Variants in SAMMSON observed in about 807,000 individuals in gnomAD.
The protein encoded by SAMMSON is long intergenic non-protein coding RNA 1212.
chr3:70,190,034 G>T (rs545439326), intron 4 of SAMMSON, among the ~76,000 whole-genome samples: 1 of 152,260 alleles, frequency 6.6e-6, no homozygotes, highest in South Asian at 2.1e-4. Flanking sequence ...GCAGCAGAAG[G>T]CTGGCTTAAT....
At chr3:70,211,269 ATTCCCTTCCCTTTGCCC>A (rs1457240692) in intron 4 of SAMMSON, among the ~76,000 whole-genome samples, 2 of 104,158 alleles carry the variant, frequency 1.9e-5, no homozygotes, top group Non-Finnish European at 3.8e-5. Flanking sequence ...TTCTTTCTCC[ATTCCCTTCCCTTTGCCC>A]TTCCCTTCCC....
intron 4 of SAMMSON, among the ~76,000 whole-genome samples, chr3:70,151,339 C>G (rs1365508912): frequency 6.6e-6 from 1 of 152,026 alleles, no homozygotes; most frequent in East Asian, 1.9e-4. Context: ...GGTTCTGCTC[C>G]ATGAGGCTGG....
chr3:70,328,365 T>C (rs988205458), intron 7 of SAMMSON, among the ~76,000 whole-genome samples: 1 of 151,958 alleles, frequency 6.6e-6, no homozygotes, highest in Non-Finnish European at 1.5e-5. Context: ...TACACTGAAA[T>C]GACATAGGTG....
chr3:70,361,951 G>C (rs1408297767), intron 9 of SAMMSON, among the ~76,000 whole-genome samples: 6 of 152,132 alleles, frequency 3.9e-5, no homozygotes, highest in Non-Finnish European at 8.8e-5. Flanking sequence ...TGAATCTTTT[G>C]CTATATAAAT....
intron 6 of SAMMSON, among the ~76,000 whole-genome samples, chr3:70,276,645 A>G (rs1485078061): frequency 3.3e-5 from 5 of 152,256 alleles, no homozygotes; most frequent in Non-Finnish European, 7.3e-5. Context: ...GTAGAGGTCG[A>G]TAAACTGTGA....
rs61561713 is a variant in SAMMSON at position 70,108,423 on chromosome 3, C to CTTTTTTTTTTTT, written n.507+36865_507+36876dup. ...TAGTGTTTCTCAACTCTTGCGGTTC[C>CTTTTTTTTTTTT]TTTTTTTTTTTTTTTTTTATCATAA... On this transcript the variant is annotated intron_variant and non_coding_transcript_variant, in intron 4 of 9. Coordinates refer to ENST00000642114, the Ensembl canonical transcript of SAMMSON. Among the ~76,000 whole-genome samples the CTTTTTTTTTTTT allele has an allele frequency of 8.8e-4, 79 of 89,336 alleles. 9 individuals are homozygous for CTTTTTTTTTTTT. The highest frequency in any genetic ancestry group is 3.7e-3 in the South Asian group (7 of 1,912). 58.6% of individuals were successfully genotyped at this position (89,336 alleles called of 152,430 possible).
At chr3:70,032,702 T>A (rs2067070554) in intron 3 of SAMMSON, among the ~76,000 whole-genome samples, 1 of 152,164 alleles carries the variant, frequency 6.6e-6, no homozygotes, top group Admixed American at 6.6e-5. Context: ...TTAACAAACA[T>A]CTGAGGAACT....
At chr3:70,415,105 A>G (rs1303438396) in intron 2 of SAMMSON, among the ~76,000 whole-genome samples, 1 of 152,134 alleles carries the variant, frequency 6.6e-6, no homozygotes, top group African/African-American at 2.4e-5. Context: ...ACAGGAAATA[A>G]CACCCCTGTT....
intron 6 of SAMMSON, chr3:70,272,230 A>G (rs1559550590): frequency 6.6e-6 from 1 of 152,214 alleles, no homozygotes; most frequent in Non-Finnish European, 1.5e-5. Context: ...ATCACAATTA[A>G]AATGAAAAAT....
chr3:70,179,926 G>C (rs1701038667), intron 4 of SAMMSON, among the ~76,000 whole-genome samples: 1 of 151,924 alleles, frequency 6.6e-6, no homozygotes, highest in African/African-American at 2.4e-5. Context: ...AGTGTCAACA[G>C]TCCTGTGACC....
intron 7 of SAMMSON, among the ~76,000 whole-genome samples, chr3:70,344,639 AG>A (rs1324026797): frequency 6.6e-6 from 1 of 152,238 alleles, no homozygotes; most frequent in Non-Finnish European, 1.5e-5. Context: ...TGTGGGCTTC[AG>A]GAGTCACAGA....
intron 3 of SAMMSON, among the ~76,000 whole-genome samples, chr3:70,021,106 A>C (rs958186808): frequency 6.6e-6 from 1 of 152,050 alleles, no homozygotes; most frequent in Non-Finnish European, 1.5e-5. Context: ...TTTTCACCAC[A>C]TTGGCTGTTC....
chr3:70,379,173 C>G (rs965419772), intron 9 of SAMMSON, among the ~76,000 whole-genome samples: 8 of 152,194 alleles, frequency 5.3e-5, no homozygotes, highest in Admixed American at 5.2e-4. Context: ...ACCACCACAT[C>G]TGGCTAATTT....
chr3:70,433,530 A>G (rs1024141414), intron 2 of SAMMSON, among the ~76,000 whole-genome samples: 5 of 151,948 alleles, frequency 3.3e-5, no homozygotes, highest in African/African-American at 1.2e-4. Context: ...TTGAGTTTTA[A>G]AAGTTCTTTT....
chr3:70,278,287 T>G (rs1391823763), intron 6 of SAMMSON, among the ~76,000 whole-genome samples: 1 of 152,200 alleles, frequency 6.6e-6, no homozygotes, highest in Non-Finnish European at 1.5e-5. Flanking sequence ...TTTGTAGTAC[T>G]CCATGACAGG....
At chr3:70,016,814 G>C (rs2107579236) in intron 3 of SAMMSON, among the ~76,000 whole-genome samples, 1 of 152,272 alleles carries the variant, frequency 6.6e-6, no homozygotes, top group South Asian at 2.1e-4. Context: ...TGGCTAGCCA[G>C]TTTTCCCAGC....
In SAMMSON at chr3:70,220,460, G is replaced by T. The variant is rs562819188; in HGVS notation, n.508-28647G>T. ...CTCTTAAAAAAAAAAATTACTTCAA[G>T]TTATATTTTTGCTGACTGACAGCAA... On this transcript the variant is annotated intron_variant and non_coding_transcript_variant, in intron 4 of 9. Transcript: ENST00000642114. Among the ~76,000 whole-genome samples, 3 of 152,096 alleles carry T rather than the reference G, an allele frequency of 2.0e-5. No homozygotes were observed. In the South Asian group the frequency reaches 6.2e-4, roughly 32 times the overall value.
intron 9 of SAMMSON, among the ~76,000 whole-genome samples, chr3:70,361,086 C>T (rs964845482): frequency 6.6e-6 from 1 of 152,010 alleles, no homozygotes; most frequent in African/African-American, 2.4e-5. Flanking sequence ...CAGAGAGACA[C>T]GAAGTGCTAA....
intron 6 of SAMMSON, among the ~76,000 whole-genome samples, chr3:70,264,127 AAT>A (rs1241455624): frequency 6.6e-6 from 1 of 152,204 alleles, no homozygotes; most frequent in Non-Finnish European, 1.5e-5. Context: ...ATGATTACAA[AAT>A]ATATATGTTT....
Sources: allele counts gnomAD v4.1 joint callset (sites outside exome capture counted in the v4.1 genomes callset), GRCh38; gene constraint gnomAD v4.1.1; transcripts MANE v1.5; gene names NCBI Gene and HGNC (gene_info 2026-07-23, HGNC 2026-07-21).